CLMP: variants seen among roughly 807,000 people sequenced by gnomAD.
The protein encoded by CLMP is CXADR-like membrane protein.
Under a neutral mutation model 45.2 loss-of-function variants are expected in CLMP, and 27 were observed. That is an observed-to-expected ratio of 0.60 (90% CI 0.44 to 0.82). The LOEUF is 0.82. CLMP is among the 40% of genes least tolerant of loss of function. The probability of loss-of-function intolerance (pLI) is 0.00; values close to 1 mark genes in which losing one functional copy is unlikely to be tolerated. For missense variants in CLMP, 403 were observed against 448.4 expected (o/e 0.90, Z 0.91); for synonymous variants, 167 against 171.4 (o/e 0.97, Z 0.20).
At chr11:123,166,543 C>T (rs916475463) in intron 1 of CLMP, among the ~76,000 whole-genome samples, 3 of 152,224 alleles carry the variant, frequency 2.0e-5, no homozygotes, top group Non-Finnish European at 4.4e-5. Flanking sequence ...GACTAGAAGG[C>T]CCGTGACCCT....
At chr11:123,109,918 T>C (rs1342792974) in intron 1 of CLMP, among the ~76,000 whole-genome samples, 1 of 152,144 alleles carries the variant, frequency 6.6e-6, no homozygotes, top group African/African-American at 2.4e-5. Context: ...CGGGGAGTCA[T>C]GACCGGCAAA....
At chr11:123,136,560 A>ATTTTTTTTTTTTT (rs34074982) in intron 1 of CLMP, among the ~76,000 whole-genome samples, 1 of 85,854 alleles carries the variant, frequency 1.2e-5, no homozygotes, top group Non-Finnish European at 2.1e-5. Context: ...CTTTTAAGTA[A>ATTTTTTTTTTTTT]TTTTTTTTTT....
intron 1 of CLMP, among the ~76,000 whole-genome samples, chr11:123,148,920 G>A (rs1279142340): frequency 6.6e-6 from 1 of 152,208 alleles, no homozygotes; most frequent in African/African-American, 2.4e-5. Flanking sequence ...TCTTTTAGAA[G>A]AGCACATCAA....
Position 123,073,827 on chromosome 11 carries a change from A to G in CLMP, c.822-53T>C, listed in dbSNP as rs982366113. The G allele has an allele frequency of 2.0e-6, 3 of 1,512,544 alleles. No individual in the cohort carries two copies. The Admixed American group carries it at 6.6e-5, about 33-fold the overall frequency. 93.7% of individuals were successfully genotyped at this position (1,512,544 alleles called of 1,614,324 possible). On this transcript the variant is annotated intron_variant, in intron 6 of 6. Transcript: ENST00000448775. Reference sequence around the variant, plus strand: ...CACTGGCAGATCTGTGATTGCTTCCAGTATGATTGCTTCCTTCTGAGGTTT... The same window carrying G: ...CACTGGCAGATCTGTGATTGCTTCCGGTATGATTGCTTCCTTCTGAGGTTT...
At chr11:123,093,905 C>T (rs183515939) in intron 2 of CLMP, among the ~76,000 whole-genome samples, 10 of 152,242 alleles carry the variant, frequency 6.6e-5, no homozygotes, top group Admixed American at 2.0e-4. Flanking sequence ...GCTGTGCCAT[C>T]GCCTGCAGAG....
intron 1 of CLMP, among the ~76,000 whole-genome samples, chr11:123,186,023 C>T (rs1401352930): frequency 6.6e-6 from 1 of 152,170 alleles, no homozygotes; most frequent in Non-Finnish European, 1.5e-5. Flanking sequence ...GTCTGTGTGT[C>T]ACTGTACCTA....
At chr11:123,082,347 T>C (rs1283179843) in intron 5 of CLMP, among the ~76,000 whole-genome samples, 1 of 152,220 alleles carries the variant, frequency 6.6e-6, no homozygotes, top group Admixed American at 6.5e-5. Context: ...CTCGCCCTGT[T>C]GTCCAGGCTG....
chr11:123,132,205 T>G (rs1401378147), intron 1 of CLMP, among the ~76,000 whole-genome samples: 1 of 152,160 alleles, frequency 6.6e-6, no homozygotes, highest in African/African-American at 2.4e-5. Flanking sequence ...AAGGATATGA[T>G]TCCTAACTTC....
intron 1 of CLMP, chr11:123,135,830 G>T: frequency 2.7e-6 from 1 of 376,106 alleles, no homozygotes; most frequent in South Asian, 2.4e-5. Context: ...TTGCCCTACA[G>T]ACTCTGGCAG....
chr11:123,146,608 C>T (rs187582094), intron 1 of CLMP, among the ~76,000 whole-genome samples: 10 of 152,244 alleles, frequency 6.6e-5, no homozygotes, highest in African/African-American at 2.4e-4. Context: ...ATGACACCCT[C>T]TTCTCTAGAA....
chr11:123,139,807 C>T (rs1861128939), intron 1 of CLMP, among the ~76,000 whole-genome samples: 1 of 151,620 alleles, frequency 6.6e-6, no homozygotes, highest in African/African-American at 2.4e-5. Flanking sequence ...CAGAGCGAGA[C>T]ACCGTCTCGA....
At chr11:123,166,527 T>C (rs531698451) in intron 1 of CLMP, among the ~76,000 whole-genome samples, 2 of 152,300 alleles carry the variant, frequency 1.3e-5, no homozygotes, top group East Asian at 3.9e-4. Context: ...GAGCAGGCCG[T>C]GTTTGGACTA....
At chr11:123,075,774 G>A (rs946250521) in intron 5 of CLMP, among the ~76,000 whole-genome samples, 9 of 152,180 alleles carry the variant, frequency 5.9e-5, no homozygotes, top group Non-Finnish European at 4.4e-5. Context: ...CTGAAGATTT[G>A]TCTGCCTTAA....
chr11:123,117,001 C>G (rs1383750796), intron 1 of CLMP, among the ~76,000 whole-genome samples: 1 of 152,102 alleles, frequency 6.6e-6, no homozygotes, highest in African/African-American at 2.4e-5. Context: ...GTAATCCCAG[C>G]ACTTTGGGAG....
At position 123,082,970 on chromosome 11, in the gene CLMP, G is replaced by GAGATAA. The variant is rs1388492652; in HGVS notation, c.679+109_679+114dup. The GAGATAA allele has an allele frequency of 8.0e-6, 10 of 1,254,018 alleles. No homozygotes were observed. In the African/African-American group the frequency reaches 1.5e-4, roughly 19 times the overall value. The allele number at this position is 1,254,018 out of a possible 1,614,324, so 77.7% of individuals were successfully genotyped here. A position where few individuals can be genotyped will look rare whatever the true frequency, so the allele number is the denominator to read the frequency against. ...TTTTGGTGATAGCCATATCCTTCTG[G>GAGATAA]AGATAAAGATTTTGACCTTAACCTT... On this transcript the variant is annotated intron_variant, in intron 5 of 6. Coordinates refer to ENST00000448775, the MANE Select transcript of CLMP (RefSeq NM_024769.5).
intron 1 of CLMP, among the ~76,000 whole-genome samples, chr11:123,194,534 G>A (rs965438722): frequency 4.6e-5 from 7 of 151,974 alleles, no homozygotes; most frequent in Non-Finnish European, 8.8e-5. Flanking sequence ...CTGAGCCTCG[G>A]AGGCGCCTGT....
intron 1 of CLMP, among the ~76,000 whole-genome samples, chr11:123,105,210 G>T (rs1465808035): frequency 2.6e-5 from 4 of 152,184 alleles, no homozygotes; most frequent in African/African-American, 9.7e-5. Flanking sequence ...AAGCACATAG[G>T]AGTCTCCCAT....
chr11:123,077,344 T>C (rs1865753276), intron 5 of CLMP, among the ~76,000 whole-genome samples: 1 of 151,612 alleles, frequency 6.6e-6, no homozygotes, highest in Admixed American at 6.6e-5. Context: ...TATTTATTTA[T>C]TTTTAAGACA....
intron 5 of CLMP, among the ~76,000 whole-genome samples, chr11:123,082,505 C>A (rs1865817287): frequency 6.6e-6 from 1 of 152,166 alleles, no homozygotes; most frequent in East Asian, 1.9e-4. Context: ...GATGGGGTTT[C>A]ACCATGTTGG....
Sources: gnomAD v4.1 joint callset for allele counts (sites outside exome capture counted in the v4.1 genomes callset) on GRCh38, gnomAD v4.1.1 for gene constraint, MANE v1.5 for transcripts, NCBI Gene and HGNC (gene_info 2026-07-23, HGNC 2026-07-21) for gene names.